Variants in BFSP2 observed in about 807,000 individuals in gnomAD.
BFSP2 encodes the protein phakinin.
Under a neutral mutation model 44.9 loss-of-function variants are expected in BFSP2, and 38 were observed. The observed-to-expected ratio is 0.85, with a 90% CI of 0.65 to 1.11. BFSP2 has a LOEUF of 1.11. Among genes scored for constraint, BFSP2 ranks in the 50% least tolerant of loss-of-function variants. BFSP2 has a pLI of 0.00. For synonymous variants in BFSP2, 197 were observed against 209.9 expected (o/e 0.94, Z 0.53); for missense variants, 525 against 533.0 (o/e 0.99, Z 0.15).
At chr3:133,403,422 C>T (rs2073378187) in intron 1 of BFSP2, among the ~76,000 whole-genome samples, 1 of 152,178 alleles carries the variant, frequency 6.6e-6, no homozygotes, top group African/African-American at 2.4e-5. Context: ...CCCTCTGTGA[C>T]TCCTCAGGGC....
intron 1 of BFSP2, among the ~76,000 whole-genome samples, chr3:133,438,549 AAAAG>A (rs1475306428): frequency 1.1e-4 from 16 of 150,502 alleles, no homozygotes; most frequent in African/African-American, 3.1e-4. Flanking sequence ...ACAAAACAAA[AAAAG>A]AAAAAAGAAA....
intron 1 of BFSP2, among the ~76,000 whole-genome samples, chr3:133,426,661 C>T (rs1049467317): frequency 2.0e-4 from 31 of 152,220 alleles, no homozygotes; most frequent in African/African-American, 7.0e-4. Context: ...TTCATGATTT[C>T]CAAGAGCTCT....
intron 1 of BFSP2, among the ~76,000 whole-genome samples, chr3:133,423,036 T>C (rs2073607165): frequency 6.6e-6 from 1 of 152,188 alleles, no homozygotes; most frequent in Admixed American, 6.5e-5. Context: ...GCTTCTTTGT[T>C]ACACTGAAAA....
In BFSP2 at chr3:133,400,248, G is replaced by C; in HGVS notation, c.165G>C (p.Gly55=). Residue 55 remains glycine (G), a synonymous_variant, in exon 1 of 7, where the codon GGG becomes GGC. Transcript: ENST00000302334. This position sits in a 1 kb window ranked among gnomAD's most constrained non-coding sequence, Gnocchi z 4.0. ...TGAGTGGCCTTGTCCGAGCACCCGG[G>C]GTCTATGTAGGAACAGCACCCAGTG... ...NAMSGLVRAP[G]VYVGTAPSGC... is the part of the protein sequence containing the mutation. 1 of 1,613,914 alleles carries C rather than the reference G, an allele frequency of 6.2e-7. No individual in the cohort carries two copies. Among genetic ancestry groups the C allele is most frequent in the African/African-American group, 1.3e-5 (1 of 75,060 alleles).
rs1419807132 is a variant in BFSP2, at chr3:133,466,876, GC to G, written c.941del (p.Ala314GlufsTer28). On this transcript the variant is annotated frameshift_variant, in exon 5 of 7. Coordinates refer to ENST00000302334, the MANE Select transcript of BFSP2 (RefSeq NM_003571.4). LOFTEE classifies it high-confidence loss of function. ...GTCCCAGACCCAGGAGGAGAAGCTG[GC>G]AGCTGCCCTCAGGGTGGAGTTACAC... ...HMSQTQEEKL[A>X]AALRVELHNT... 1 of 1,613,894 alleles carries G rather than the reference GC, an allele frequency of 6.2e-7. No homozygotes were observed. Among genetic ancestry groups the G allele is most frequent in the South Asian group, 1.1e-5 (1 of 91,058 alleles).
chr3:133,438,681 C>A (rs1277858571), intron 1 of BFSP2, among the ~76,000 whole-genome samples: 1 of 152,130 alleles, frequency 6.6e-6, no homozygotes, highest in Non-Finnish European at 1.5e-5. Context: ...ATTAAATTAT[C>A]ACTTGAATAA....
intron 6 of BFSP2, among the ~76,000 whole-genome samples, chr3:133,473,759 G>A (rs1460779458): frequency 6.6e-6 from 1 of 151,922 alleles, no homozygotes; most frequent in Non-Finnish European, 1.5e-5. Context: ...ATGTTTCAGA[G>A]AGCACAGGGT....
At chr3:133,454,506 A>G (rs78965963) in intron 4 of BFSP2, among the ~76,000 whole-genome samples, 13,619 of 152,226 alleles carry the variant, frequency 0.089, 632 homozygotes, top group East Asian at 0.18. Flanking sequence ...TTAAGGGCTC[A>G]GTCCCATAAG....
chr3:133,445,127 G>A (rs1576584067), intron 1 of BFSP2, among the ~76,000 whole-genome samples: 1 of 152,240 alleles, frequency 6.6e-6, no homozygotes, highest in African/African-American at 2.4e-5. Context: ...GAATGAATGA[G>A]TGAATAAATA....
chr3:133,417,538 A>C (rs1197755708), intron 1 of BFSP2, among the ~76,000 whole-genome samples: 19 of 28,490 alleles, frequency 6.7e-4, no homozygotes, highest in African/African-American at 1.0e-3. Context: ...TCTCCCCTCT[A>C]CTCATCCCTT....
At chr3:133,416,038 CCT>C (rs1181912467) in intron 1 of BFSP2, among the ~76,000 whole-genome samples, 4 of 137,662 alleles carry the variant, frequency 2.9e-5, no homozygotes, top group African/African-American at 1.1e-4. Flanking sequence ...TCACCCCTGT[CCT>C]CTCCTCTCTA....
intron 1 of BFSP2, chr3:133,409,897 A>C (rs531295810): frequency 6.5e-6 from 1 of 154,666 alleles, no homozygotes; most frequent in East Asian, 1.9e-4. Context: ...TCCAACTGCC[A>C]TAAGGATGGA....
chr3:133,448,375 CT>C lies in BFSP2; in HGVS notation c.573-110del, dbSNP rs2073923191. The C allele has an allele frequency of 5.4e-6, 7 of 1,300,400 alleles. No individual in the cohort carries two copies. In the East Asian group the frequency reaches 1.7e-4, roughly 31 times the overall value. 80.6% of individuals were successfully genotyped at this position (1,300,400 alleles called of 1,614,324 possible). On this transcript the variant is annotated intron_variant, in intron 2 of 6. Transcript: ENST00000302334. ...GCCCTCAAATCTATTGAAACAGTGA[CT>C]TTTACCATTCATTGTCTAACTATCA...
intron 1 of BFSP2, among the ~76,000 whole-genome samples, chr3:133,425,780 A>G (rs1457650486): frequency 9.3e-5 from 10 of 107,760 alleles, no homozygotes; most frequent in Non-Finnish European, 1.3e-4. Context: ...AGGGAAAGGG[A>G]AAGGGAAGGG....
intron 1 of BFSP2, among the ~76,000 whole-genome samples, chr3:133,425,897 GAAATAAGAGA>G: frequency 1.1e-5 from 1 of 87,730 alleles, no homozygotes; most frequent in Non-Finnish European, 2.2e-5. Context: ...GAAGGCAAGG[GAAATAAGAGA>G]AAGGAGGGCA....
chr3:133,445,750 T>C (rs1024536798), intron 1 of BFSP2, among the ~76,000 whole-genome samples: 1 of 152,142 alleles, frequency 6.6e-6, no homozygotes, highest in African/African-American at 2.4e-5. Context: ...TATGGAAGGA[T>C]GTGTGTGTAG....
At chr3:133,431,905 G>T (rs1283507432) in intron 1 of BFSP2, among the ~76,000 whole-genome samples, 2 of 151,994 alleles carry the variant, frequency 1.3e-5, no homozygotes, top group Admixed American at 1.3e-4. Flanking sequence ...TAAATTATCT[G>T]CTTCCCTGAC....
chr3:133,449,982 A>AAGGAAGGAAGG (rs1212404887), intron 3 of BFSP2, among the ~76,000 whole-genome samples: 25 of 86,384 alleles, frequency 2.9e-4, no homozygotes, highest in East Asian at 3.6e-4. Context: ...GGAAAGAAGG[A>AAGGAAGGAAGG]AAGGAAGGAA....
chr3:133,403,500 A>G (rs1212025196), intron 1 of BFSP2, among the ~76,000 whole-genome samples: 1 of 152,008 alleles, frequency 6.6e-6, no homozygotes, highest in Admixed American at 6.5e-5. Flanking sequence ...CCTAGAGAGA[A>G]ATTCGACCTC....
Sources: allele counts gnomAD v4.1 joint callset (sites outside exome capture counted in the v4.1 genomes callset), GRCh38; gene constraint gnomAD v4.1.1; non-coding constraint Gnocchi (gnomAD v3.1); transcripts MANE v1.5; gene names NCBI Gene and HGNC (gene_info 2026-07-23, HGNC 2026-07-21).